The following CBX2 variants were observed in gnomAD, a reference collection of about 807,000 sequenced individuals.
CBX2 encodes chromobox 2.
Under a neutral mutation model 21.0 loss-of-function variants are expected in CBX2, and 11 were observed. The observed-to-expected ratio is 0.52, with a 90% CI of 0.33 to 0.87. The LOEUF is 0.87. Ranked by LOEUF, CBX2 falls within the 40% of genes least tolerant of loss-of-function variation. CBX2 has a pLI of 0.02. For synonymous variants in CBX2, 364 were observed against 304.6 expected (o/e 1.19, Z -2.03); for missense variants, 746 against 724.3 (o/e 1.03, Z -0.34).
At position 79,781,844 on chromosome 17, in the gene CBX2, C is replaced by T. The variant is rs149457179; in HGVS notation, c.288+43C>T. ...GTATGCTGACCCCACCTCCCAGCAC[C>T]CCCTTGGCGTAGGGGGCAGGCAGAG... is the stretch of plus-strand genomic sequence containing the variant. On this transcript the variant is annotated intron_variant, in intron 4 of 4. Coordinates refer to ENST00000310942, the MANE Select transcript of CBX2 (RefSeq NM_005189.3). 25 of 1,614,030 alleles carry T rather than the reference C, an allele frequency of 1.5e-5. No homozygotes were observed. The African/African-American group carries it at 3.1e-4, about 20-fold the overall frequency.
chr17:79,779,630 T>C, intron 3 of CBX2: 1 of 607,484 alleles, frequency 1.6e-6, no homozygotes, highest in Non-Finnish European at 3.0e-6. Flanking sequence ...CTAGCCAGCC[T>C]GTATCCATCC....
intron 4 of CBX2, 162 bp downstream of exon 4, chr17:79,781,963 C>T (rs1555830424): frequency 6.2e-7 from 1 of 1,614,174 alleles, no homozygotes; most frequent in Non-Finnish European, 8.5e-7. Context: ...TCCTGTCTCT[C>T]AGCTTCTGCT....
At position 79,778,363 on chromosome 17, in the gene CBX2, G is replaced by T; in HGVS notation, c.73-21G>T. ...CCGCCCGCTGTCCGTCTGGCTCACG[G>T]CCCCTCTTCTCTCCCCGCAGGGCAA... On this transcript the variant is annotated intron_variant, in intron 1 of 4. Transcript: ENST00000310942. This position sits in a 1 kb window ranked among gnomAD's most constrained non-coding sequence, Gnocchi z 4.8. 1 of 1,583,986 alleles carries T rather than the reference G, an allele frequency of 6.3e-7. No individual in the cohort carries two copies.
At chr17:79,781,120 C>G (rs369218425) in intron 3 of CBX2, among the ~76,000 whole-genome samples, 2 of 152,238 alleles carry the variant, frequency 1.3e-5, no homozygotes, top group South Asian at 4.1e-4. Context: ...ACCTCGGCAC[C>G]TCTGTCATCT....
intron 4 of CBX2, chr17:79,782,498 G>A (rs1907305491): frequency 5.0e-6 from 6 of 1,189,526 alleles, no homozygotes; most frequent in African/African-American, 1.6e-5. Flanking sequence ...AGTCCCGGGT[G>A]TGGCTTTGAT....
At chr17:79,779,948 C>G (rs1907048295) in intron 3 of CBX2, among the ~76,000 whole-genome samples, 1 of 152,248 alleles carries the variant, frequency 6.6e-6, no homozygotes, top group Non-Finnish European at 1.5e-5. Flanking sequence ...TTTGCTCTGG[C>G]CTGCAGCATA....
At chr17:79,782,929 G>A (rs1555830765) in intron 4 of CBX2, among the ~76,000 whole-genome samples, 2 of 152,166 alleles carry the variant, frequency 1.3e-5, no homozygotes, top group Non-Finnish European at 2.9e-5. Flanking sequence ...CAGAAGGCGA[G>A]GAAGACAGTG....
Position 79,787,419 on chromosome 17 carries a change from C to T in CBX2, c.*2377C>T, listed in dbSNP as rs909673730. On this transcript the variant is annotated 3_prime_UTR_variant, in exon 5 of 5. Transcript: ENST00000310942. Reference sequence around the variant, plus strand: ...TTTGAATCTGCAGATACCTTACTCCCAGCCACTTTGCCTTCTTACTGTGTT... The same window carrying T: ...TTTGAATCTGCAGATACCTTACTCCTAGCCACTTTGCCTTCTTACTGTGTT... 1.3e-5 allele frequency: 2 copies of T among 152,740 alleles called. No individual in the cohort carries two copies. The highest frequency in any genetic ancestry group is 2.9e-5 in the Non-Finnish European group (2 of 68,082). The allele number at this position is 152,740 out of a possible 1,614,324, so 9.5% of individuals were successfully genotyped here. A position where few individuals can be genotyped will look rare whatever the true frequency, so the allele number is the denominator to read the frequency against.
intron 4 of CBX2, chr17:79,782,216 C>T (rs782310211): frequency 1.2e-6 from 2 of 1,603,488 alleles, no homozygotes; most frequent in Non-Finnish European, 8.5e-7. Context: ...TCCGGGCCCA[C>T]CTGCGGGTGC....
At chr17:79,780,214 C>A (rs1448745029) in intron 3 of CBX2, among the ~76,000 whole-genome samples, 1 of 152,210 alleles carries the variant, frequency 6.6e-6, no homozygotes, top group East Asian at 1.9e-4. Flanking sequence ...TGGACTTGCC[C>A]TGTGGATAGA....
In CBX2 at chr17:79,786,472, C is replaced by A. The variant is rs1907643460; in HGVS notation, c.*1430C>A. ...CTCGGCCCTGAGGCCCCTGTTAACT[C>A]AAGACTGTGAGCTGCCTCTAGGTGG... On this transcript the variant is annotated 3_prime_UTR_variant, in exon 5 of 5. Transcript: ENST00000310942. 1 of 150,402 alleles carries A rather than the reference C, an allele frequency of 6.6e-6. No individual in the cohort carries two copies. The highest frequency in any genetic ancestry group is 1.5e-5 in the Non-Finnish European group (1 of 68,084). 9.3% of individuals were successfully genotyped at this position (150,402 alleles called of 1,614,324 possible).
At chr17:79,782,220 C>A (rs180936463) in intron 4 of CBX2, 2 of 1,601,816 alleles carry the variant, frequency 1.2e-6, no homozygotes, top group African/African-American at 2.7e-5. Context: ...GGCCCACCTG[C>A]GGGTGCACCT....
At chr17:79,780,444 C>G (rs782007061) in intron 3 of CBX2, among the ~76,000 whole-genome samples, 1 of 152,186 alleles carries the variant, frequency 6.6e-6, no homozygotes. Flanking sequence ...TAACAGCAAC[C>G]CATCGTCTTC....
Position 79,784,919 on chromosome 17 carries a change from C to T in CBX2, c.1476C>T (p.Asp492=). The change falls in exon 5 of 5, where the codon GAC becomes GAT. Residue 492 remains aspartate, a synonymous_variant. Coordinates refer to ENST00000310942, the MANE Select transcript of CBX2 (RefSeq NM_005189.3). The surrounding 1 kb of genome is among the most constrained non-coding windows in gnomAD (Gnocchi z 5.9). ...CAGTGTCCGTTCAGACCAGCCAGGA[C>T]TGGAAGCCCACCCGCAGCCTCATCG... ...NPSVSVQTSQ[D]WKPTRSLIEH... is the part of the protein sequence containing the mutation. 6.2e-7 allele frequency: 1 copy of T among 1,613,456 alleles called. No homozygotes were observed. Among genetic ancestry groups the T allele is most frequent in the African/African-American group, 1.3e-5 (1 of 75,068 alleles).
rs782145479 is a variant in CBX2, at chr17:79,783,689, C to T, written c.289-43C>T. On this transcript the variant is annotated intron_variant, in intron 4 of 4. Coordinates refer to ENST00000310942, the MANE Select transcript of CBX2 (RefSeq NM_005189.3). ...CCTCCCAAAGTGCTGGGATTACAGG[C>T]GTGAGCCACTGCACCCAGCCAACTT... 7.6e-5 allele frequency: 115 copies of T among 1,514,336 alleles called. No individual in the cohort carries two copies. The African/African-American group carries it at 8.3e-4, about 11-fold the overall frequency. 93.8% of individuals were successfully genotyped at this position (1,514,336 alleles called of 1,614,324 possible). A position where few individuals can be genotyped will look rare whatever the true frequency, so the allele number is the denominator to read the frequency against.
At chr17:79,783,374 G>A (rs1256246911) in intron 4 of CBX2, among the ~76,000 whole-genome samples, 1 of 152,082 alleles carries the variant, frequency 6.6e-6, no homozygotes. Flanking sequence ...TGGACCCTGG[G>A]AACAGGCAGT....
At position 79,783,441 on chromosome 17, in the gene CBX2, G is replaced by A. The variant is rs553783760; in HGVS notation, c.289-291G>A. Among the ~76,000 whole-genome samples, 550 of 147,240 alleles carry A rather than the reference G, an allele frequency of 3.7e-3. 4 individuals are homozygous for A. The highest frequency in any genetic ancestry group is 2.8e-3 in the Non-Finnish European group (191 of 67,304). On this transcript the variant is annotated intron_variant, in intron 4 of 4. Coordinates refer to ENST00000310942, the MANE Select transcript of CBX2 (RefSeq NM_005189.3). ...TTTTTTTTTTTTGAGACGTAGTCTC[G>A]CTCTGTCGCCCAGGCTGGAGTTCAG...
rs1555832203 is a variant in CBX2, at chr17:79,787,045, A to T, written c.*2003A>T. Reference sequence around the variant, plus strand: ...AGATAGCTAGGCCAGAGCTGGAAGCAGACAGTAAGGGGAAGAGCTGCTCCC... The same window carrying T: ...AGATAGCTAGGCCAGAGCTGGAAGCTGACAGTAAGGGGAAGAGCTGCTCCC... On this transcript the variant is annotated 3_prime_UTR_variant, in exon 5 of 5. Coordinates refer to ENST00000310942, the MANE Select transcript of CBX2 (RefSeq NM_005189.3). 6.6e-6 allele frequency: 1 copy of T among 152,564 alleles called. No homozygotes were observed. Among genetic ancestry groups the T allele is most frequent in the African/African-American group, 2.4e-5 (1 of 41,478 alleles). The allele number at this position is 152,564 out of a possible 1,614,324, so 9.5% of individuals were successfully genotyped here.
chr17:79,784,599 C>G lies in CBX2; in HGVS notation c.1156C>G (p.Pro386Ala). Residue 386 changes from proline to alanine, a missense_variant, in exon 5 of 5, where the codon CCA becomes GCA. This residue lies in a region of CBX2 where 701 missense variants were observed against 650.7 expected (regional missense o/e 1.08). Coordinates refer to ENST00000310942, the MANE Select transcript of CBX2 (RefSeq NM_005189.3). This position sits in a 1 kb window ranked among gnomAD's most constrained non-coding sequence, Gnocchi z 5.9. ...TATKGVPATNPAPGKGTGSGL... is the reference protein window; with the variant it reads ...TATKGVPATNAAPGKGTGSGL... ...CACCAAGGGTGTCCCGGCCACCAAC[C>G]CAGCCCCTGGGAAGGGCACTGGGAG... 1 of 1,612,654 alleles carries G rather than the reference C, an allele frequency of 6.2e-7. No individual in the cohort carries two copies. Among genetic ancestry groups the G allele is most frequent in the Non-Finnish European group, 8.5e-7 (1 of 1,179,940 alleles).
Sources: allele counts gnomAD v4.1 joint callset (sites outside exome capture counted in the v4.1 genomes callset), GRCh38; gene constraint gnomAD v4.1.1; regional missense constraint gnomAD v4.1.1; non-coding constraint Gnocchi (gnomAD v3.1); transcripts MANE v1.5; gene names NCBI Gene and HGNC (gene_info 2026-07-23, HGNC 2026-07-21).